VWA8: variants seen among roughly 807,000 people sequenced by gnomAD.
The protein encoded by VWA8 is von Willebrand factor A domain-containing protein 8.
Under a neutral mutation model 241.5 loss-of-function variants are expected in VWA8, and 221 were observed. The ratio of observed to expected loss-of-function variants is 0.91; its 90% CI spans 0.82 to 1.02. The LOEUF (loss-of-function observed/expected upper bound fraction) is 1.02, where lower values mean the gene tolerates loss of function less well. Ranked by LOEUF, VWA8 falls within the 50% of genes least tolerant of loss-of-function variation. The pLI is 0.00. For missense variants in VWA8, 2,322 were observed against 2,328.7 expected (o/e 1.00, Z 0.06); for synonymous variants, 852 against 827.1 (o/e 1.03, Z -0.52).
chr13:41,836,750 T>TAGTA (rs964486925), intron 12 of VWA8, among the ~76,000 whole-genome samples: 7 of 152,200 alleles, frequency 4.6e-5, no homozygotes, highest in African/African-American at 1.7e-4. Context: ...TTTTACAATC[T>TAGTA]AGTAGTTGGA....
At chr13:41,745,027 G>C (rs532121366) in intron 21 of VWA8, among the ~76,000 whole-genome samples, 28 of 151,996 alleles carry the variant, frequency 1.8e-4, no homozygotes, top group African/African-American at 5.1e-4. Flanking sequence ...TTTTTTAGTA[G>C]AGACGGGTTT....
intron 38 of VWA8, among the ~76,000 whole-genome samples, chr13:41,612,495 G>C (rs2044595534): frequency 1.3e-5 from 2 of 152,192 alleles, no homozygotes; most frequent in South Asian, 4.1e-4. Flanking sequence ...GTAAGGCCAG[G>C]TAGGTCATAT....
intron 2 of VWA8, chr13:41,926,153 C>A (rs1229647995): frequency 5.0e-6 from 3 of 599,738 alleles, no homozygotes; most frequent in Non-Finnish European, 9.2e-6. Context: ...TTCAGGGGAA[C>A]CCTGGGAAAA....
At chr13:41,595,953 G>A (rs1019464944) in intron 40 of VWA8, among the ~76,000 whole-genome samples, 1 of 152,050 alleles carries the variant, frequency 6.6e-6, no homozygotes, top group Admixed American at 6.6e-5. Flanking sequence ...CGGAGTATAA[G>A]GGTTTCATTT....
intron 42 of VWA8, among the ~76,000 whole-genome samples, chr13:41,576,472 A>C (rs1183794859): frequency 2.6e-5 from 4 of 152,244 alleles, no homozygotes; most frequent in Non-Finnish European, 5.9e-5. Context: ...AACATAACTG[A>C]AACTGCTGTG....
chr13:41,719,346 C>T, intron 26 of VWA8: 5 of 1,320,276 alleles, frequency 3.8e-6, no homozygotes, highest in Non-Finnish European at 4.8e-6. Context: ...GTTAAAGAAA[C>T]AAATATTTCC....
chr13:41,866,358 A>AAAAT (rs1555344944), intron 10 of VWA8, among the ~76,000 whole-genome samples: 1 of 145,922 alleles, frequency 6.9e-6, no homozygotes, highest in East Asian at 2.0e-4. Context: ...CAAAAAAAAA[A>AAAAT]ATATATATAT....
chr13:41,701,467 A>C lies in VWA8; in HGVS notation c.3289T>G (p.Phe1097Val). 6.2e-7 allele frequency: 1 copy of C among 1,612,356 alleles called. No homozygotes were observed. The highest frequency in any genetic ancestry group is 8.5e-7 in the Non-Finnish European group (1 of 1,179,242). ...CTCCATGAGGCACATTCTTCAGTAA[A>C]GTTTAGGGATCTTTCTTCATGTCTT... The part of the protein sequence containing the change: ...IERHEERSLN[F>V]TEECASWRIP... The change falls in exon 28 of 45, where the codon TTT becomes GTT. Residue 1097 changes from phenylalanine to valine, a missense_variant. By Grantham distance (50) the Phe-to-Val change is conservative (BLOSUM62 -1). Transcript: ENST00000379310.
chr13:41,929,012 C>A (rs1566042863), intron 2 of VWA8, among the ~76,000 whole-genome samples: 1 of 152,026 alleles, frequency 6.6e-6, no homozygotes, highest in African/African-American at 2.4e-5. Flanking sequence ...CATGCAATAC[C>A]TTTCAAAATC....
chr13:41,882,447 G>A (rs1290332699), intron 9 of VWA8, among the ~76,000 whole-genome samples: 3 of 152,210 alleles, frequency 2.0e-5, no homozygotes, highest in Non-Finnish European at 4.4e-5. Context: ...GGAGGCCAAG[G>A]CAGGCAGCTG....
chr13:41,939,965 T>C (rs1025011654), intron 2 of VWA8, among the ~76,000 whole-genome samples: 3 of 152,218 alleles, frequency 2.0e-5, no homozygotes, highest in Non-Finnish European at 4.4e-5. Context: ...TCAATAATCT[T>C]TCACACTTTT....
intron 36 of VWA8, among the ~76,000 whole-genome samples, chr13:41,671,752 T>A (rs1472488909): frequency 6.6e-6 from 1 of 152,132 alleles, no homozygotes; most frequent in Non-Finnish European, 1.5e-5. Context: ...CCCCCATTCA[T>A]GTTAGGATAC....
intron 21 of VWA8, among the ~76,000 whole-genome samples, chr13:41,758,569 A>C (rs1473594737): frequency 6.8e-6 from 1 of 147,234 alleles, no homozygotes; most frequent in Non-Finnish European, 1.5e-5. Flanking sequence ...GTATCTTATG[A>C]CCTTGTTTAA....
chr13:41,615,290 T>A (rs1165209364), intron 37 of VWA8, among the ~76,000 whole-genome samples: 8 of 152,170 alleles, frequency 5.3e-5, no homozygotes, highest in Non-Finnish European at 7.3e-5. Context: ...ACTAATTTTT[T>A]AAAAAACTCT....
chr13:41,590,675 CT>C lies in VWA8; in HGVS notation c.5076del (p.Ala1693ProfsTer27), dbSNP rs940795044. On this transcript the variant is annotated frameshift_variant, in exon 41 of 45. Transcript: ENST00000379310. LOFTEE classifies it high-confidence loss of function. ...AGCTCACCCCGACGTTTGTAGATGG[CT>C]TTTTCTCCAGTCAGCCCATCAATGA... ...AKIIDGLTGE[K>X]AIYKRRGELE... 6.2e-7 allele frequency: 1 copy of C among 1,613,922 alleles called. No homozygotes were observed. Among genetic ancestry groups the C allele is most frequent in the African/African-American group, 1.3e-5 (1 of 74,880 alleles).
chr13:41,746,784 G>C (rs73183366), intron 21 of VWA8, among the ~76,000 whole-genome samples: 2,073 of 152,232 alleles, frequency 0.014, 13 homozygotes, highest in South Asian at 0.019. Context: ...AAATACTTTG[G>C]GATCAAGCTG....
chr13:41,896,286 G>C (rs914252685), intron 4 of VWA8, among the ~76,000 whole-genome samples: 1 of 151,952 alleles, frequency 6.6e-6, no homozygotes, highest in African/African-American at 2.4e-5. Context: ...TAAAATATAA[G>C]AAAAGTACAC....
intron 39 of VWA8, among the ~76,000 whole-genome samples, chr13:41,610,159 T>C (rs1158033459): frequency 6.6e-6 from 1 of 152,218 alleles, no homozygotes; most frequent in African/African-American, 2.4e-5. Context: ...AACTCATTAA[T>C]TGCGGAGGGG....
intron 20 of VWA8, among the ~76,000 whole-genome samples, chr13:41,761,556 G>A (rs2045740221): frequency 6.6e-6 from 1 of 151,942 alleles, no homozygotes; most frequent in Admixed American, 6.6e-5. Flanking sequence ...TGTCATCAAA[G>A]GTGATCAAGT....
Sources: gnomAD v4.1 joint callset for allele counts (sites outside exome capture counted in the v4.1 genomes callset) on GRCh38, gnomAD v4.1.1 for gene constraint, MANE v1.5 for transcripts, NCBI Gene and HGNC (gene_info 2026-07-23, HGNC 2026-07-21) for gene names.